FOCAD: variants seen among roughly 807,000 people sequenced by gnomAD.
FOCAD encodes KIAA1797.
In FOCAD, 198 loss-of-function variants were observed where a neutral mutation model predicts 225.6. That is an observed-to-expected ratio of 0.88 (90% confidence interval 0.78 to 0.99). The LOEUF (loss-of-function observed/expected upper bound fraction) is 0.99, where lower values mean the gene tolerates loss of function less well. FOCAD is among the 50% of genes least tolerant of loss of function. The pLI, the probability that FOCAD is intolerant of heterozygous loss-of-function variation, is 0.00. For synonymous variants in FOCAD, 897 were observed against 755.0 expected, an observed-to-expected ratio of 1.19 and a Z score of -3.08; for missense variants, 2,713 against 2,123.6, an observed-to-expected ratio of 1.28 and a Z score of -5.46.
In FOCAD at chr9:20,895,521, T is replaced by C. The variant is rs1832000642; in HGVS notation, c.2625+10291T>C. Among the ~76,000 whole-genome samples, 3 of 151,906 alleles carry C rather than the reference T, an allele frequency of 2.0e-5. No homozygotes were observed. In the Admixed American group the frequency reaches 2.0e-4, roughly 10 times the overall value. On this transcript the variant is annotated intron_variant, in intron 21 of 43. Transcript: ENST00000338382. ...TTAGAATTTTGTAATTTTTCTCCTA[T>C]AGATATTATATACACACACATATAT...
intron 11 of FOCAD, among the ~76,000 whole-genome samples, chr9:20,801,859 G>A (rs747089577): frequency 1.3e-5 from 2 of 152,134 alleles, no homozygotes; most frequent in African/African-American, 2.4e-5. Flanking sequence ...GGTGGGAAAA[G>A]TCAACCCCAG....
chr9:20,720,251 A>G, intron 3 of FOCAD, 129 bp from the exon 4 acceptor site: 1 of 887,230 alleles, frequency 1.1e-6, no homozygotes, highest in Admixed American at 2.4e-5. Context: ...CAGAGTGACA[A>G]CAGCATCATC....
At chr9:20,783,575 A>ATTT in intron 10 of FOCAD, among the ~76,000 whole-genome samples, 1 of 146,236 alleles carries the variant, frequency 6.8e-6, no homozygotes. Flanking sequence ...AGATTATTTG[A>ATTT]CTATTGGATT....
intron 43 of FOCAD, 101 bp downstream of exon 43, chr9:20,993,429 C>A: frequency 1.0e-6 from 1 of 971,958 alleles, no homozygotes; most frequent in Admixed American, 2.1e-5. Flanking sequence ...GTATCTCTTA[C>A]CCGAAATGCT....
intron 4 of FOCAD, among the ~76,000 whole-genome samples, chr9:20,737,337 T>A (rs746907993): frequency 5.3e-5 from 8 of 152,150 alleles, no homozygotes; most frequent in Non-Finnish European, 7.3e-5. Context: ...TCTCTAGAAC[T>A]CTAGTCATAT....
chr9:20,761,176 G>A (rs1278918308), intron 6 of FOCAD, among the ~76,000 whole-genome samples: 1 of 151,884 alleles, frequency 6.6e-6, no homozygotes, highest in Admixed American at 6.6e-5. Context: ...CAGTATTTGG[G>A]TATTATTTTA....
chr9:20,876,456 G>C (rs192009473), intron 19 of FOCAD, among the ~76,000 whole-genome samples: 1 of 152,104 alleles, frequency 6.6e-6, no homozygotes, highest in Non-Finnish European at 1.5e-5. Flanking sequence ...TTGCCAAGGG[G>C]TGCTGTTGTT....
At chr9:20,724,541 C>T (rs1826042298) in intron 4 of FOCAD, among the ~76,000 whole-genome samples, 1 of 152,146 alleles carries the variant, frequency 6.6e-6, no homozygotes, top group Non-Finnish European at 1.5e-5. Flanking sequence ...GATGCTGAAG[C>T]TAACCAATTT....
intron 15 of FOCAD, among the ~76,000 whole-genome samples, chr9:20,830,682 CTT>C (rs1825391751): frequency 6.6e-6 from 1 of 151,940 alleles, no homozygotes; most frequent in African/African-American, 2.4e-5. Context: ...ATTTTTCTCT[CTT>C]ATTTGTTTAT....
intron 5 of FOCAD, among the ~76,000 whole-genome samples, chr9:20,748,398 G>C (rs547685588): frequency 6.6e-6 from 1 of 151,898 alleles, no homozygotes; most frequent in Non-Finnish European, 1.5e-5. Context: ...TAATTTACTG[G>C]TATGTAGCCT....
At chr9:20,812,783 A>G (rs1175059762) in intron 11 of FOCAD, among the ~76,000 whole-genome samples, 1 of 152,064 alleles carries the variant, frequency 6.6e-6, no homozygotes, top group Non-Finnish European at 1.5e-5. Context: ...CCTCAGTTTA[A>G]TCTTCGGTAA....
intron 21 of FOCAD, among the ~76,000 whole-genome samples, chr9:20,898,075 A>T (rs1360838626): frequency 6.6e-6 from 1 of 151,650 alleles, no homozygotes; most frequent in Non-Finnish European, 1.5e-5. Flanking sequence ...TCTTGCTTGC[A>T]TGTTTTCTGG....
At position 20,764,970 on chromosome 9, in the gene FOCAD, T is replaced by A. The variant is rs1216208740; in HGVS notation, c.596T>A (p.Leu199Gln). 3 of 1,614,044 alleles carry A rather than the reference T, an allele frequency of 1.9e-6. No homozygotes were observed. In the African/African-American group the frequency reaches 4.0e-5, roughly 22 times the overall value. ...QEYAKLRLAL[L>Q]KVLLQPQVLC... ...TATGCTAAACTCCGACTAGCCCTGCTGAAAGTCTTACTTCAACCCCAGGTT... is the reference window on the plus strand; with the variant it reads ...TATGCTAAACTCCGACTAGCCCTGCAGAAAGTCTTACTTCAACCCCAGGTT... Residue 199 changes from leucine (L) to glutamine (Q), a missense_variant, in exon 7 of 44, where the codon CTG becomes CAG. Leu to Gln is a moderately radical substitution (Grantham distance 113, BLOSUM62 -2). Coordinates refer to ENST00000338382, the MANE Select transcript of FOCAD (RefSeq NM_001375567.1).
intron 2 of FOCAD, among the ~76,000 whole-genome samples, chr9:20,659,149 G>A (rs1424151468): frequency 6.6e-6 from 1 of 152,092 alleles, no homozygotes; most frequent in African/African-American, 2.4e-5. Flanking sequence ...AAACCTGGGG[G>A]GCGGAGGTTT....
At chr9:20,899,576 A>T (rs1832391744) in intron 21 of FOCAD, among the ~76,000 whole-genome samples, 1 of 151,920 alleles carries the variant, frequency 6.6e-6, no homozygotes, top group African/African-American at 2.4e-5. Context: ...GTTAAGATGG[A>T]GTAGTGACTT....
chr9:20,946,407 A>C (rs547689041), intron 29 of FOCAD, among the ~76,000 whole-genome samples: 8 of 152,292 alleles, frequency 5.3e-5, no homozygotes, highest in African/African-American at 1.9e-4. Flanking sequence ...GAAGAAATTT[A>C]CTATTATGAG....
chr9:20,904,441 C>G (rs1358951059), intron 21 of FOCAD, among the ~76,000 whole-genome samples: 1 of 151,982 alleles, frequency 6.6e-6, no homozygotes, highest in Non-Finnish European at 1.5e-5. Context: ...ACCTTCTCTA[C>G]AAGATCTACT....
intron 15 of FOCAD, among the ~76,000 whole-genome samples, chr9:20,829,278 C>T (rs1213580334): frequency 2.6e-5 from 4 of 152,070 alleles, no homozygotes; most frequent in African/African-American, 9.7e-5. Context: ...CCTATTTCTC[C>T]ACAACTTTAC....
chr9:20,743,072 C>A (rs996842855), intron 5 of FOCAD, among the ~76,000 whole-genome samples: 6 of 152,154 alleles, frequency 3.9e-5, no homozygotes, highest in African/African-American at 1.4e-4. Context: ...AGAGCATATT[C>A]CCCTCAAGAG....
Sources: allele counts gnomAD v4.1 joint callset (sites outside exome capture counted in the v4.1 genomes callset), GRCh38; gene constraint gnomAD v4.1.1; transcripts MANE v1.5; gene names NCBI Gene and HGNC (gene_info 2026-07-23, HGNC 2026-07-21).